The following ANKFN1 variants were observed in gnomAD, a reference collection of about 807,000 sequenced individuals.
ANKFN1 encodes the protein ankyrin repeat and fibronectin type-III domain-containing protein 1.
Under a neutral mutation model 108.7 loss-of-function variants are expected in ANKFN1, and 74 were observed. The ratio of observed to expected loss-of-function variants is 0.68; its 90% CI spans 0.56 to 0.83. The LOEUF is 0.83. ANKFN1 is among the 40% of genes least tolerant of loss of function. ANKFN1 has a pLI of 0.00. For synonymous variants in ANKFN1, 547 were observed against 516.2 expected (o/e 1.06, Z -0.81); for missense variants, 1,505 against 1,382.3 (o/e 1.09, Z -1.41).
chr17:56,103,046 G>A (rs1905677785), intron 4 of ANKFN1, among the ~76,000 whole-genome samples: 1 of 152,184 alleles, frequency 6.6e-6, no homozygotes, highest in African/African-American at 2.4e-5. Context: ...TTAACACAGC[G>A]GGACATTTAA....
chr17:56,279,313 G>A (rs1235476414), intron 3 of ANKFN1, among the ~76,000 whole-genome samples: 1 of 152,118 alleles, frequency 6.6e-6, no homozygotes, highest in Non-Finnish European at 1.5e-5. Context: ...AAATGTTCAT[G>A]CTGAGCAATG....
intron 3 of ANKFN1, among the ~76,000 whole-genome samples, chr17:56,230,650 C>T (rs1028948277): frequency 2.6e-4 from 39 of 151,984 alleles, no homozygotes; most frequent in African/African-American, 9.2e-4. Context: ...CGCTCATATT[C>T]TTTAGGACCA....
rs138132302 is a variant in ANKFN1 at position 56,161,886 on chromosome 17, A to G, written c.-71+8356A>G. On this transcript the variant is annotated intron_variant, in intron 1 of 20. Coordinates refer to ENST00000682825, the MANE Select transcript of ANKFN1 (RefSeq NM_001370326.1). ...AGATTTGGGACAGTTCTCAGGGTCT[A>G]TGGGAATGCTGGACAACCATGCTTG... is the stretch of plus-strand genomic sequence containing the variant. 2.4e-4 allele frequency among the ~76,000 whole-genome samples: 36 copies of G among 152,356 alleles called. 1 individual carries two copies. The highest frequency in any genetic ancestry group is 1.8e-3 in the Admixed American group (28 of 15,304).
chr17:56,480,731 T>G lies in ANKFN1; in HGVS notation c.2004T>G (p.Thr668=), dbSNP rs759796481. 2.5e-6 allele frequency: 4 copies of G among 1,613,958 alleles called. No individual in the cohort carries two copies. In the East Asian group the frequency reaches 8.9e-5, roughly 36 times the overall value. The change falls in exon 17 of 21, where the codon ACT becomes ACG. Residue 668 remains threonine (T), a synonymous_variant. Coordinates refer to ENST00000682825, the MANE Select transcript of ANKFN1 (RefSeq NM_001370326.1). ...AATCTATGGAAAGTGTGGATCATAC[T>G]TCTGACTGCCCCATGCAATTGTTCT... ...GSESMESVDH[T]SDCPMQLFFY...
intron 10 of ANKFN1, among the ~76,000 whole-genome samples, chr17:56,444,780 G>A (rs974668212): frequency 3.9e-5 from 6 of 152,168 alleles, no homozygotes; most frequent in African/African-American, 1.2e-4. Context: ...GGGGTTCAGA[G>A]ATGTTGCCTT....
chr17:56,481,701 C>A (rs2050709691), intron 17 of ANKFN1, among the ~76,000 whole-genome samples: 1 of 152,070 alleles, frequency 6.6e-6, no homozygotes, highest in Non-Finnish European at 1.5e-5. Context: ...TCTAAAACAG[C>A]CAACGCTAAT....
intron 8 of ANKFN1, among the ~76,000 whole-genome samples, chr17:56,388,463 A>G (rs527750331): frequency 1.3e-5 from 2 of 152,312 alleles, no homozygotes; most frequent in Admixed American, 6.5e-5. Context: ...TATCTGTGCA[A>G]TTATAGCTAC....
At chr17:56,347,439 T>C (rs958681097) in intron 4 of ANKFN1, among the ~76,000 whole-genome samples, 13 of 152,070 alleles carry the variant, frequency 8.5e-5, no homozygotes, top group Non-Finnish European at 1.9e-4. Flanking sequence ...ATTCATAGAA[T>C]TGAAATGAGA....
intron 3 of ANKFN1, among the ~76,000 whole-genome samples, chr17:56,299,250 C>G (rs942978788): frequency 3.9e-5 from 6 of 152,108 alleles, no homozygotes; most frequent in African/African-American, 1.4e-4. Flanking sequence ...TTGCCTGGGT[C>G]AAAGCTGCAT....
At chr17:56,084,579 C>G (rs1185189499) in intron 4 of ANKFN1, among the ~76,000 whole-genome samples, 1 of 151,292 alleles carries the variant, frequency 6.6e-6, no homozygotes, top group East Asian at 1.9e-4. Flanking sequence ...AGCTTTTCCA[C>G]CGGGTAAGGG....
At chr17:56,476,958 T>C (rs779512461) in intron 15 of ANKFN1, among the ~76,000 whole-genome samples, 9 of 152,226 alleles carry the variant, frequency 5.9e-5, no homozygotes, top group Non-Finnish European at 1.2e-4. Context: ...AATAAACCTC[T>C]TGGCAGTACC....
intron 4 of ANKFN1, among the ~76,000 whole-genome samples, chr17:56,137,891 A>G (rs1054823972): frequency 3.9e-5 from 6 of 152,228 alleles, no homozygotes; most frequent in Admixed American, 6.5e-5. Context: ...AAACTAGAAT[A>G]TCTCACAAAC....
chr17:56,064,504 T>C (rs907706543), intron 4 of ANKFN1, among the ~76,000 whole-genome samples: 3 of 152,198 alleles, frequency 2.0e-5, no homozygotes, highest in African/African-American at 7.2e-5. Flanking sequence ...GAAGAGGCAC[T>C]CTGGCCGCAG....
In ANKFN1 at chr17:56,456,942, T is replaced by C. The variant is rs772145617; in HGVS notation, c.1289T>C (p.Phe430Ser). The change falls in exon 12 of 21, where the codon TTT becomes TCT. Residue 430 changes from phenylalanine (F) to serine (S), a missense_variant. By Grantham distance (155) the Phe-to-Ser change is radical. Coordinates refer to ENST00000682825, the MANE Select transcript of ANKFN1 (RefSeq NM_001370326.1). ...CACCTGTTCCATTCCTCGAACAAGT[T>C]TGTGAAGACCTTAAAACGGTGGGTT... ...LKHLFHSSNK[F>S]VKTLKRGLYI... 1.4e-5 allele frequency: 22 copies of C among 1,613,838 alleles called. No homozygotes were observed. The highest frequency in any genetic ancestry group is 2.7e-5 in the African/African-American group (2 of 74,914).
intron 4 of ANKFN1, among the ~76,000 whole-genome samples, chr17:56,145,775 T>C (rs1057439198): frequency 6.6e-6 from 1 of 152,162 alleles, no homozygotes; most frequent in Admixed American, 6.5e-5. Flanking sequence ...TCCTCCAAAG[T>C]CTTAACTCAC....
chr17:56,277,526 A>G (rs898771129), intron 3 of ANKFN1, among the ~76,000 whole-genome samples: 6 of 152,146 alleles, frequency 3.9e-5, no homozygotes, highest in Non-Finnish European at 7.4e-5. Flanking sequence ...ACATTTTCTT[A>G]TATAATCCTC....
intron 4 of ANKFN1, among the ~76,000 whole-genome samples, chr17:56,054,109 T>C (rs898582942): frequency 6.6e-6 from 1 of 152,218 alleles, no homozygotes; most frequent in Non-Finnish European, 1.5e-5. Flanking sequence ...GGAATGCTTT[T>C]ACGCTGTTGG....
At chr17:56,169,566 G>C (rs757180292) in intron 1 of ANKFN1, among the ~76,000 whole-genome samples, 2 of 152,126 alleles carry the variant, frequency 1.3e-5, no homozygotes, top group Non-Finnish European at 2.9e-5. Context: ...ACGAAGCCCA[G>C]CCTTCTAATA....
chr17:56,430,074 T>A (rs1432845795), intron 8 of ANKFN1, among the ~76,000 whole-genome samples: 1 of 152,150 alleles, frequency 6.6e-6, no homozygotes, highest in Non-Finnish European at 1.5e-5. Flanking sequence ...GTCATTTTGA[T>A]GTTGGAAAAT....
Sources: allele counts gnomAD v4.1 joint callset (sites outside exome capture counted in the v4.1 genomes callset), GRCh38; gene constraint gnomAD v4.1.1; transcripts MANE v1.5; gene names NCBI Gene and HGNC (gene_info 2026-07-23, HGNC 2026-07-21).